Variants in IL17RA observed in about 807,000 individuals in gnomAD.
IL17RA encodes interleukin-17 receptor A.
A neutral mutation model predicts 50.4 loss-of-function variants in IL17RA; 34 were observed. The observed-to-expected ratio is 0.67, with a 90% confidence interval of 0.51 to 0.90. IL17RA has a LOEUF of 0.90. Among genes scored for constraint, IL17RA ranks in the 40% least tolerant of loss-of-function variants. IL17RA has a pLI of 0.00. For missense variants in IL17RA, 1,276 were observed against 1,169.8 expected, an observed-to-expected ratio of 1.09 and a Z score of -1.32; for synonymous variants, 585 against 510.4, an observed-to-expected ratio of 1.15 and a Z score of -1.97.
rs1237282599 is a variant in IL17RA at position 17,111,225 on chromosome 22, T to C, written c.*1405T>C. 1 of 152,150 alleles carries C rather than the reference T, an allele frequency of 6.6e-6. No homozygotes were observed. The highest frequency in any genetic ancestry group is 1.5e-5 in the Non-Finnish European group (1 of 68,054). 9.4% of individuals were successfully genotyped at this position (152,150 alleles called of 1,614,324 possible). On this transcript the variant is annotated 3_prime_UTR_variant, in exon 13 of 13. Transcript: ENST00000319363. ...CAGCTGGATGTCACCTGAGTTCATT[T>C]ATAGGAAGAGAGAAATGTCGAGGTG...
chr22:17,103,085 T>C (rs1357504307), intron 7 of IL17RA, among the ~76,000 whole-genome samples: 1 of 152,142 alleles, frequency 6.6e-6, no homozygotes, highest in Non-Finnish European at 1.5e-5. Context: ...GAGGTTGTAG[T>C]GAGCTGAGAT....
At chr22:17,105,718 G>A (rs901663806) in intron 10 of IL17RA, 116 bp downstream of exon 10, 5 of 1,351,412 alleles carry the variant, frequency 3.7e-6, no homozygotes, top group African/African-American at 3.7e-5. Context: ...GCCAGCCCGG[G>A]GTGGGGGGTG....
rs1199941558 is a variant in IL17RA at position 17,097,094 on chromosome 22, A to G, written c.163+8A>G. On this transcript the variant is annotated splice_region_variant and intron_variant, in intron 2 of 12. Coordinates refer to ENST00000319363, the MANE Select transcript of IL17RA (RefSeq NM_014339.7). ...ACTGCACGGTCAAGAATAGTAAGTC[A>G]TCTTTTTCTGTTCTTCTTCTTGTTG... is the stretch of plus-strand genomic sequence containing the variant. 6.2e-7 allele frequency: 1 copy of G among 1,612,808 alleles called. No homozygotes were observed. The highest frequency in any genetic ancestry group is 8.5e-7 in the Non-Finnish European group (1 of 1,178,830).
intron 2 of IL17RA, 64 bp downstream of exon 2, chr22:17,097,150 A>G: frequency 2.7e-6 from 4 of 1,487,906 alleles, no homozygotes; most frequent in South Asian, 1.1e-5. Context: ...CCTGCTGCCA[A>G]CTTCTGACAG....
At chr22:17,107,455 T>G (rs1384744033) in intron 11 of IL17RA, among the ~76,000 whole-genome samples, 2 of 152,208 alleles carry the variant, frequency 1.3e-5, no homozygotes, top group Admixed American at 1.3e-4. Context: ...ACACACTCAT[T>G]TAATACCCAT....
chr22:17,112,234 TCC>T lies in IL17RA; in HGVS notation c.*2415_*2416del, dbSNP rs2061446232. ...GCCTTTGAGCCCATGCCAGTAAATG[TCC>T]TGATGGGCATTGCCTACTATCTCCA... On this transcript the variant is annotated 3_prime_UTR_variant, in exon 13 of 13. Transcript: ENST00000319363. The T allele has an allele frequency of 1.3e-5, 2 of 152,222 alleles. No individual in the cohort carries two copies. Among genetic ancestry groups the T allele is most frequent in the African/African-American group, 4.8e-5 (2 of 41,442 alleles). 9.4% of individuals were successfully genotyped at this position (152,222 alleles called of 1,614,324 possible).
Position 17,104,904 on chromosome 22 carries a change from G to C in IL17RA, c.931+94G>C, listed in dbSNP as rs145788381. On this transcript the variant is annotated intron_variant, in intron 9 of 12. Coordinates refer to ENST00000319363, the MANE Select transcript of IL17RA (RefSeq NM_014339.7). ...GCGTCCTTACCTGGTTCTGAGGGGT[G>C]ATTAGGGAGGAGAGTTTAGTTTAAC... The C allele has an allele frequency of 8.5e-4, 994 of 1,175,322 alleles. 9 individuals are homozygous for C. Among genetic ancestry groups the C allele is most frequent in the South Asian group, 7.1e-3 (562 of 79,542 alleles). 72.8% of individuals were successfully genotyped at this position (1,175,322 alleles called of 1,614,324 possible). A position where few individuals can be genotyped will look rare whatever the true frequency, so the allele number is the denominator to read the frequency against.
intron 12 of IL17RA, 115 bp downstream of exon 12, chr22:17,107,883 C>T: frequency 1.1e-6 from 1 of 921,438 alleles, no homozygotes; most frequent in Non-Finnish European, 1.8e-6. Context: ...TCAGGAGACC[C>T]CACCTTAGAA....
intron 9 of IL17RA, 99 bp downstream of exon 9, chr22:17,104,909 GGGA>G (rs1475894219): frequency 1.7e-6 from 2 of 1,146,860 alleles, no homozygotes; most frequent in African/African-American, 3.1e-5. Context: ...GGGGTGATTA[GGGA>G]GGAGAGTTTA....
At chr22:17,085,273 A>C (rs964045492) in intron 1 of IL17RA, 44 bp downstream of exon 1, 1 of 1,533,890 alleles carries the variant, frequency 6.5e-7, no homozygotes, top group East Asian at 2.5e-5. Flanking sequence ...GATGCTGCGG[A>C]CGCGGGGCAA....
At chr22:17,097,394 G>A (rs1315303403) in intron 2 of IL17RA, 4 of 527,412 alleles carry the variant, frequency 7.6e-6, no homozygotes, top group Non-Finnish European at 1.4e-5. Context: ...TGTAAAGTGA[G>A]AGACATCTGT....
At position 17,107,757 on chromosome 22, in the gene IL17RA, C is replaced by T. The variant is rs745404600; in HGVS notation, c.1076C>T (p.Thr359Ile). ...GGAAGTGAAAAATACAGTGATGACA[C>T]CAAATACACCGGTCAGTATTTCCTG... ...GPGSEKYSDDTKYTDGLPAAD... is the reference protein window; with the variant it reads ...GPGSEKYSDDIKYTDGLPAAD... The change falls in exon 12 of 13, where the codon ACC (threonine) becomes ATC (isoleucine). Residue 359 changes from threonine (T) to isoleucine (I), a missense_variant. Thr to Ile is a moderately conservative substitution (Grantham distance 89). Transcript: ENST00000319363. 1.2e-6 allele frequency: 2 copies of T among 1,613,670 alleles called. No homozygotes were observed. Among genetic ancestry groups the T allele is most frequent in the Non-Finnish European group, 1.7e-6 (2 of 1,179,544 alleles).
At chr22:17,105,323 GC>G (rs2061409670) in intron 9 of IL17RA, among the ~76,000 whole-genome samples, 1 of 152,204 alleles carries the variant, frequency 6.6e-6, no homozygotes, top group South Asian at 2.1e-4. Context: ...GGAGGCTGCA[GC>G]CACGTGCTCA....
Position 17,109,129 on chromosome 22 carries a change from C to T in IL17RA, c.1910C>T (p.Pro637Leu), listed in dbSNP as rs867971944. The T allele has an allele frequency of 6.5e-7, 1 of 1,544,864 alleles. No homozygotes were observed. Among genetic ancestry groups the T allele is most frequent in the Non-Finnish European group, 8.7e-7 (1 of 1,152,364 alleles). Residue 637 changes from proline (P) to leucine (L), a missense_variant, in exon 13 of 13, where the codon CCG becomes CTG. Physicochemically the swap from Pro to Leu is moderately conservative, Grantham distance 98. Coordinates refer to ENST00000319363, the MANE Select transcript of IL17RA (RefSeq NM_014339.7). ...PGSQACLAID[P>L]LVGEEGGAAV... is the part of the protein sequence containing the mutation. Reference sequence around the variant, plus strand: ...TCCCAGGCCTGCCTGGCCATAGACCCGCTGGTCGGGGAGGAAGGAGGAGCA... The same window carrying T: ...TCCCAGGCCTGCCTGGCCATAGACCTGCTGGTCGGGGAGGAAGGAGGAGCA...
At chr22:17,095,148 A>G (rs192546603) in intron 1 of IL17RA, among the ~76,000 whole-genome samples, 2 of 152,342 alleles carry the variant, frequency 1.3e-5, no homozygotes, top group East Asian at 3.9e-4. Flanking sequence ...AATGTAATCT[A>G]GCAGAATATC....
chr22:17,085,152 C>G lies in IL17RA; in HGVS notation c.61C>G (p.Leu21Val), dbSNP rs2061321574. The G allele has an allele frequency of 1.3e-6, 2 of 1,513,648 alleles. No individual in the cohort carries two copies. Among genetic ancestry groups the G allele is most frequent in the Admixed American group, 2.0e-5 (1 of 48,948 alleles). 93.8% of individuals were successfully genotyped at this position (1,513,648 alleles called of 1,614,324 possible). Residue 21 changes from leucine to valine, a missense_variant, in exon 1 of 13, where the codon CTG becomes GTG. Coordinates refer to ENST00000319363, the MANE Select transcript of IL17RA (RefSeq NM_014339.7). Reference protein sequence around the residue: ...VPGPLLGLLLLLLGVLAPGGA... With the variant: ...VPGPLLGLLLVLLGVLAPGGA... ...GGGGCCCCTGCTGGGGCTGCTCCTG[C>G]TGCTCCTGGGCGTGCTGGCCCCGGG...
At chr22:17,102,511 T>TG (rs2061395537) in intron 7 of IL17RA, among the ~76,000 whole-genome samples, 1 of 152,154 alleles carries the variant, frequency 6.6e-6, no homozygotes, top group African/African-American at 2.4e-5. Flanking sequence ...GTCCTGCCCA[T>TG]GACTCAGTCC....
intron 1 of IL17RA, among the ~76,000 whole-genome samples, chr22:17,094,707 A>ATG (rs1490788022): frequency 2.1e-4 from 15 of 73,002 alleles, no homozygotes; most frequent in African/African-American, 2.7e-4. Flanking sequence ...ATATATATAT[A>ATG]TATATATATA....
rs893662163 is a variant in IL17RA at position 17,114,167 on chromosome 22, C to T, written c.*4347C>T. On this transcript the variant is annotated 3_prime_UTR_variant, in exon 13 of 13. Coordinates refer to ENST00000319363, the MANE Select transcript of IL17RA (RefSeq NM_014339.7). ...AGAAGAATATGAAGAAAAGCAGCTA[C>T]CCCTAAACCCATTGCACAAGCTGTT... is the stretch of plus-strand genomic sequence containing the variant. 10 of 152,182 alleles carry T rather than the reference C, an allele frequency of 6.6e-5. No homozygotes were observed. Among genetic ancestry groups the T allele is most frequent in the African/African-American group, 2.4e-4 (10 of 41,412 alleles). The allele number at this position is 152,182 out of a possible 1,614,324, so 9.4% of individuals were successfully genotyped here.
Sources: allele counts gnomAD v4.1 joint callset (sites outside exome capture counted in the v4.1 genomes callset), GRCh38; gene constraint gnomAD v4.1.1; transcripts MANE v1.5; gene names NCBI Gene and HGNC (gene_info 2026-07-23, HGNC 2026-07-21).